SHISA6: variants seen among roughly 807,000 people sequenced by gnomAD.
SHISA6 encodes the protein protein shisa-6.
Under a neutral mutation model 47.9 loss-of-function variants are expected in SHISA6, and 22 were observed. The observed-to-expected ratio is 0.46, with a 90% CI of 0.33 to 0.66. The LOEUF (loss-of-function observed/expected upper bound fraction) is 0.66. Among genes scored for constraint, SHISA6 ranks in the 30% least tolerant of loss-of-function variants. The probability of loss-of-function intolerance (pLI) is 0.02; values close to 1 mark genes in which losing one functional copy is unlikely to be tolerated. For missense variants in SHISA6, 680 were observed against 764.6 expected, an observed-to-expected ratio of 0.89 and a Z score of 1.30; for synonymous variants, 388 against 337.8, an observed-to-expected ratio of 1.15 and a Z score of -1.63.
At chr17:11,243,972 C>T (rs1907478061) in intron 1 of SHISA6, among the ~76,000 whole-genome samples, 1 of 152,208 alleles carries the variant, frequency 6.6e-6, no homozygotes, top group African/African-American at 2.4e-5. Flanking sequence ...GCGGTGTCCT[C>T]AAATGCTGGC....
chr17:11,356,398 C>A (rs1310180766), intron 2 of SHISA6, among the ~76,000 whole-genome samples: 1 of 152,196 alleles, frequency 6.6e-6, no homozygotes, highest in Non-Finnish European at 1.5e-5. Context: ...GGTCCCAGAG[C>A]TGCTGTTTAG....
chr17:11,420,300 C>T (rs1298200667), intron 3 of SHISA6, among the ~76,000 whole-genome samples: 1 of 152,184 alleles, frequency 6.6e-6, no homozygotes, highest in African/African-American at 2.4e-5. Context: ...GCCATCAATC[C>T]CTGTGATCTT....
chr17:11,449,114 A>G (rs1400047442), intron 3 of SHISA6, among the ~76,000 whole-genome samples: 1 of 152,146 alleles, frequency 6.6e-6, no homozygotes. Flanking sequence ...CATGAATGAT[A>G]TGTAGGAAGT....
intron 3 of SHISA6, among the ~76,000 whole-genome samples, chr17:11,516,645 C>G (rs1215695888): frequency 6.6e-6 from 1 of 152,108 alleles, no homozygotes; most frequent in Non-Finnish European, 1.5e-5. Flanking sequence ...TCAAGAAATC[C>G]CTGAATGTTT....
In SHISA6 at chr17:11,557,786, C is replaced by T. The variant is rs759642966; in HGVS notation, c.1138C>T (p.Arg380Trp). 83 of 1,549,814 alleles carry T rather than the reference C, an allele frequency of 5.4e-5. No homozygotes were observed. Among genetic ancestry groups the T allele is most frequent in the Non-Finnish European group, 6.3e-5 (72 of 1,146,172 alleles). ...DKEADEYYMR[R>W]RHLPDLAARG... The stretch of plus-strand genomic sequence containing the variant: ...GGAGGCTGACGAGTATTACATGAGA[C>T]GGCGGCACCTGCCCGACCTGGCTGC... The change falls in exon 6 of 6, where the codon CGG (arginine) becomes TGG (tryptophan). Residue 380 changes from arginine to tryptophan, a missense_variant. Coordinates refer to ENST00000441885, the MANE Select transcript of SHISA6 (RefSeq NM_207386.4).
intron 3 of SHISA6, among the ~76,000 whole-genome samples, chr17:11,508,650 A>C (rs767577169): frequency 7.4e-6 from 1 of 135,430 alleles, no homozygotes; most frequent in Admixed American, 7.4e-5. Context: ...GCTTCATGCA[A>C]TATGGCAGAC....
chr17:11,503,157 GCC>G (rs1308586842), intron 3 of SHISA6, among the ~76,000 whole-genome samples: 1 of 152,134 alleles, frequency 6.6e-6, no homozygotes, highest in African/African-American at 2.4e-5. Flanking sequence ...AGAAACTGAG[GCC>G]CAGAGAGGTT....
intron 3 of SHISA6, among the ~76,000 whole-genome samples, chr17:11,404,178 G>A (rs1184843477): frequency 2.0e-5 from 3 of 152,176 alleles, no homozygotes; most frequent in African/African-American, 7.2e-5. Context: ...TCCTGTCTTT[G>A]CTCTTTTGAA....
chr17:11,299,312 A>G (rs1909846956), intron 2 of SHISA6, among the ~76,000 whole-genome samples: 1 of 152,144 alleles, frequency 6.6e-6, no homozygotes, highest in African/African-American at 2.4e-5. Context: ...ACATTATATT[A>G]CATTTAATTG....
intron 3 of SHISA6, among the ~76,000 whole-genome samples, chr17:11,441,123 C>T (rs1396205044): frequency 2.0e-5 from 3 of 152,214 alleles, no homozygotes; most frequent in Non-Finnish European, 4.4e-5. Context: ...GACTTCAACT[C>T]CAGGCCCATC....
intron 2 of SHISA6, among the ~76,000 whole-genome samples, chr17:11,323,040 C>A (rs964424630): frequency 6.6e-6 from 1 of 152,174 alleles, no homozygotes; most frequent in Non-Finnish European, 1.5e-5. Context: ...CTTTTCGGGT[C>A]AGGTTAACCA....
intron 2 of SHISA6, among the ~76,000 whole-genome samples, chr17:11,280,579 A>G (rs1310538202): frequency 6.6e-6 from 1 of 152,238 alleles, no homozygotes; most frequent in Non-Finnish European, 1.5e-5. Flanking sequence ...TGCCTGCTGC[A>G]TACCAGGCCT....
intron 3 of SHISA6, among the ~76,000 whole-genome samples, chr17:11,534,163 T>C (rs930241911): frequency 1.1e-4 from 17 of 148,412 alleles, no homozygotes; most frequent in South Asian, 6.4e-4. Flanking sequence ...TTTTCTTTTT[T>C]TTTTTTTTTT....
At chr17:11,444,385 A>G (rs1915178334) in intron 3 of SHISA6, among the ~76,000 whole-genome samples, 2 of 152,120 alleles carry the variant, frequency 1.3e-5, no homozygotes, top group Non-Finnish European at 2.9e-5. Context: ...TGCTGTTACC[A>G]TATTTTATGA....
intron 2 of SHISA6, among the ~76,000 whole-genome samples, chr17:11,279,073 C>T (rs7215273): frequency 0.77 from 116,608 of 152,048 alleles, 45,333 homozygotes; most frequent in Non-Finnish European, 0.84. Context: ...TCCTGAGTGG[C>T]CAGTTTGGGG....
chr17:11,491,475 A>AT (rs1400015347), intron 3 of SHISA6, among the ~76,000 whole-genome samples: 1 of 151,856 alleles, frequency 6.6e-6, no homozygotes, highest in Non-Finnish European at 1.5e-5. Flanking sequence ...AACTTTTTTA[A>AT]TTTTTGTGGA....
At chr17:11,350,305 G>A (rs866310047) in intron 2 of SHISA6, among the ~76,000 whole-genome samples, 4 of 21,008 alleles carry the variant, frequency 1.9e-4, no homozygotes, top group South Asian at 1.6e-3. Flanking sequence ...TCAGCCTCCC[G>A]AGTAGCTGGG....
chr17:11,546,426 T>G (rs1413780047), intron 3 of SHISA6, among the ~76,000 whole-genome samples: 2 of 152,306 alleles, frequency 1.3e-5, no homozygotes, highest in Middle Eastern at 3.4e-3. Context: ...TTTAGCTAAT[T>G]GGACAACCCA....
At chr17:11,267,919 C>T (rs1013586529) in intron 2 of SHISA6, among the ~76,000 whole-genome samples, 29 of 152,194 alleles carry the variant, frequency 1.9e-4, no homozygotes, top group African/African-American at 6.5e-4. Context: ...AGAGATGCAC[C>T]GTACCTAGCG....
Sources: gnomAD v4.1 joint callset for allele counts (sites outside exome capture counted in the v4.1 genomes callset) on GRCh38, gnomAD v4.1.1 for gene constraint, MANE v1.5 for transcripts, NCBI Gene and HGNC (gene_info 2026-07-23, HGNC 2026-07-21) for gene names.